The following ERP44 variants were observed in gnomAD, a reference collection of about 807,000 sequenced individuals.
ERP44 encodes endoplasmic reticulum resident protein 44.
ERP44 carries 25 observed loss-of-function variants against 53.4 expected under a neutral mutation model. That is an observed-to-expected ratio of 0.47 (90% CI 0.34 to 0.65). ERP44 has a LOEUF of 0.65. ERP44 is among the 30% of genes least tolerant of loss of function. The pLI is 0.01. For synonymous variants in ERP44, 145 were observed against 161.2 expected (o/e 0.90, Z 0.76); for missense variants, 338 against 493.2 (o/e 0.69, Z 2.98).
intron 5 of ERP44, 64 bp downstream of exon 5, chr9:100,021,978 G>T: frequency 2.1e-6 from 3 of 1,415,910 alleles, no homozygotes; most frequent in Admixed American, 1.9e-5. Flanking sequence ...TTTTTTGTTT[G>T]CATTAGAATT....
intron 1 of ERP44, among the ~76,000 whole-genome samples, chr9:100,064,107 G>C (rs1243673059): frequency 6.6e-6 from 1 of 152,096 alleles, no homozygotes; most frequent in Non-Finnish European, 1.5e-5. Context: ...ACTTTCTATA[G>C]GGTGTTAACA....
At chr9:100,087,441 A>T (rs1004596383) in intron 1 of ERP44, among the ~76,000 whole-genome samples, 35 of 152,202 alleles carry the variant, frequency 2.3e-4, no homozygotes, top group African/African-American at 8.4e-4. Flanking sequence ...AGTTTCAAAA[A>T]AAGGGTATCT....
At chr9:100,054,417 G>T (rs527666001) in intron 3 of ERP44, among the ~76,000 whole-genome samples, 139 of 152,206 alleles carry the variant, frequency 9.1e-4, no homozygotes, top group African/African-American at 3.2e-3. Context: ...CCTCTTTATG[G>T]CTTAAGGGCG....
At chr9:99,997,178 G>GT (rs1318076117) in intron 10 of ERP44, among the ~76,000 whole-genome samples, 3 of 152,142 alleles carry the variant, frequency 2.0e-5, no homozygotes, top group African/African-American at 7.2e-5. Context: ...CGGGATTGCT[G>GT]TATCAAATGG....
intron 1 of ERP44, among the ~76,000 whole-genome samples, chr9:100,083,874 A>G (rs554546840): frequency 6.6e-6 from 1 of 152,310 alleles, no homozygotes; most frequent in African/African-American, 2.4e-5. Context: ...AAGCTCTAAG[A>G]TAGTACATTA....
chr9:100,020,889 C>T (rs1268489606), intron 5 of ERP44, among the ~76,000 whole-genome samples, 158 bp from the exon 6 acceptor site: 6 of 152,220 alleles, frequency 3.9e-5, no homozygotes, highest in African/African-American at 1.4e-4. Context: ...TAGTCCAAAA[C>T]TGTTAAAGAT....
At chr9:99,985,642 G>C (rs557123966) in intron 10 of ERP44, among the ~76,000 whole-genome samples, 184 of 152,230 alleles carry the variant, frequency 1.2e-3, no homozygotes, top group African/African-American at 4.2e-3. Flanking sequence ...GGTCCTTAAG[G>C]GCCTTCACTA....
At chr9:100,042,113 GAA>G (rs1428572090) in intron 4 of ERP44, among the ~76,000 whole-genome samples, 1 of 151,970 alleles carries the variant, frequency 6.6e-6, no homozygotes. Flanking sequence ...TCAACAAAGT[GAA>G]AAGACAACCC....
At chr9:100,094,442 C>T (rs565583548) in intron 1 of ERP44, among the ~76,000 whole-genome samples, 66 of 152,078 alleles carry the variant, frequency 4.3e-4, no homozygotes, top group African/African-American at 1.4e-3. Context: ...CAGATCACCT[C>T]AGGTCAGGAG....
chr9:100,060,079 TA>T lies in ERP44; in HGVS notation c.130+20del. On this transcript the variant is annotated intron_variant, in intron 2 of 11. Coordinates refer to ENST00000262455, the MANE Select transcript of ERP44 (RefSeq NM_015051.3). Reference sequence around the variant, plus strand: ...TCTATAGAGAAGAAAGAGTACACTTTAAAAATATTGAGGTACTTACTTAAAA... The same window carrying T: ...TCTATAGAGAAGAAAGAGTACACTTTAAAATATTGAGGTACTTACTTAAAA... The T allele has an allele frequency of 1.4e-6, 2 of 1,427,826 alleles. No individual in the cohort carries two copies. Among genetic ancestry groups the T allele is most frequent in the Non-Finnish European group, 1.8e-6 (2 of 1,088,134 alleles). 88.4% of individuals were successfully genotyped at this position (1,427,826 alleles called of 1,614,324 possible).
chr9:100,048,166 A>G (rs1420970342), intron 4 of ERP44, among the ~76,000 whole-genome samples: 2 of 152,032 alleles, frequency 1.3e-5, no homozygotes, highest in Non-Finnish European at 2.9e-5. Flanking sequence ...CCTTGAGCCC[A>G]GGAGTTGGGT....
rs1830497935 is a variant in ERP44, at chr9:100,013,545, T to A, written c.762+2777A>T. On this transcript the variant is annotated intron_variant, in intron 8 of 11. Transcript: ENST00000262455. The stretch of plus-strand genomic sequence containing the variant: ...CTGTCTTTCCGGAAAAGGCAACTGA[T>A]AGTGCTCAATCCCACTGATCATCAG... Among the ~76,000 whole-genome samples, 4 of 152,106 alleles carry A rather than the reference T, an allele frequency of 2.6e-5. No individual in the cohort carries two copies. The South Asian group carries it at 8.3e-4, about 31-fold the overall frequency.
At chr9:99,986,461 T>C (rs1239987997) in intron 10 of ERP44, among the ~76,000 whole-genome samples, 1 of 152,236 alleles carries the variant, frequency 6.6e-6, no homozygotes, top group Non-Finnish European at 1.5e-5. Flanking sequence ...CACTTTTTCA[T>C]TCTGTTACAA....
intron 3 of ERP44, 103 bp downstream of exon 3, chr9:100,057,717 C>G (rs1295446067): frequency 1.2e-6 from 1 of 810,696 alleles, no homozygotes. Flanking sequence ...GTATGGAATA[C>G]TGTCTTGAAA....
chr9:100,050,675 G>T (rs1826027767), intron 4 of ERP44, among the ~76,000 whole-genome samples: 1 of 152,176 alleles, frequency 6.6e-6, no homozygotes, highest in Admixed American at 6.5e-5. Flanking sequence ...AAAATATTCA[G>T]AGAGATGCAT....
intron 1 of ERP44, among the ~76,000 whole-genome samples, chr9:100,079,462 C>A (rs1183408398): frequency 2.1e-5 from 3 of 140,818 alleles, no homozygotes; most frequent in African/African-American, 2.5e-5. Flanking sequence ...ACACAGACAC[C>A]CTATTAGTTC....
intron 10 of ERP44, among the ~76,000 whole-genome samples, chr9:99,993,454 G>C (rs1430958397): frequency 6.6e-6 from 1 of 152,176 alleles, no homozygotes; most frequent in African/African-American, 2.4e-5. Context: ...AAACTGGCTA[G>C]CCATATATAG....
At chr9:100,003,938 G>T (rs556518570) in intron 10 of ERP44, among the ~76,000 whole-genome samples, 7 of 152,312 alleles carry the variant, frequency 4.6e-5, no homozygotes, top group African/African-American at 1.7e-4. Flanking sequence ...TCTGTCTACT[G>T]GAGCAAACCT....
intron 4 of ERP44, among the ~76,000 whole-genome samples, chr9:100,047,137 C>T (rs889217585): frequency 3.3e-5 from 5 of 152,152 alleles, no homozygotes; most frequent in African/African-American, 1.2e-4. Context: ...TTCATACTAC[C>T]ACATTTATAA....
Sources: allele counts gnomAD v4.1 joint callset (sites outside exome capture counted in the v4.1 genomes callset), GRCh38; gene constraint gnomAD v4.1.1; transcripts MANE v1.5; gene names NCBI Gene and HGNC (gene_info 2026-07-23, HGNC 2026-07-21).